Variants in UBE2E3 observed in about 807,000 individuals in gnomAD.
UBE2E3 encodes ubiquitin-conjugating enzyme E2 E3.
Under a neutral mutation model 23.6 loss-of-function variants are expected in UBE2E3, and 5 were observed. That is an observed-to-expected ratio of 0.21 (90% CI 0.11 to 0.44). UBE2E3 has a LOEUF of 0.44. Ranked by LOEUF, UBE2E3 falls within the 20% of genes least tolerant of loss-of-function variation. The pLI is 0.99. For synonymous variants in UBE2E3, 78 were observed against 87.5 expected, an observed-to-expected ratio of 0.89 and a Z score of 0.60; for missense variants, 81 against 249.8, an observed-to-expected ratio of 0.32 and a Z score of 4.55.
chr2:181,029,906 G>A (rs944107584), intron 3 of UBE2E3, among the ~76,000 whole-genome samples: 3 of 148,444 alleles, frequency 2.0e-5, no homozygotes, highest in Admixed American at 1.4e-4. Flanking sequence ...GTGCAGTCTC[G>A]GCTCATTGCA....
chr2:180,985,986 A>C (rs1036075079), intron 3 of UBE2E3, among the ~76,000 whole-genome samples: 1 of 152,252 alleles, frequency 6.6e-6, no homozygotes, highest in South Asian at 2.1e-4. Context: ...TAGAGGGAGT[A>C]GAATCTTTCA....
At chr2:180,987,333 C>A in intron 3 of UBE2E3, 1 of 1,549,684 alleles carries the variant, frequency 6.5e-7, no homozygotes. Context: ...CCATCTGTTT[C>A]CCAGAGGGTG....
chr2:180,984,915 A>T (rs1049627272), intron 3 of UBE2E3, among the ~76,000 whole-genome samples: 1 of 152,024 alleles, frequency 6.6e-6, no homozygotes, highest in African/African-American at 2.4e-5. Context: ...AATATTGTAG[A>T]TAGTTTGTGA....
chr2:181,053,253 A>G (rs1002132423), intron 3 of UBE2E3, among the ~76,000 whole-genome samples: 1 of 151,784 alleles, frequency 6.6e-6, no homozygotes, highest in African/African-American at 2.4e-5. Context: ...GTCTAACCAT[A>G]TATCATACTT....
At chr2:181,025,308 C>G (rs1685849205) in intron 3 of UBE2E3, among the ~76,000 whole-genome samples, 1 of 151,852 alleles carries the variant, frequency 6.6e-6, no homozygotes, top group Non-Finnish European at 1.5e-5. Context: ...GAGTGTCTTG[C>G]TTTCTAGAAA....
At chr2:181,012,687 C>A (rs1172363800) in intron 3 of UBE2E3, among the ~76,000 whole-genome samples, 1 of 152,134 alleles carries the variant, frequency 6.6e-6, no homozygotes, top group Non-Finnish European at 1.5e-5. Context: ...TCAAAATATA[C>A]ATATACCCAT....
chr2:181,062,290 A>G lies in UBE2E3; in HGVS notation c.527-501A>G, dbSNP rs146851408. 3.2e-3 allele frequency among the ~76,000 whole-genome samples: 484 copies of G among 151,786 alleles called. 5 individuals are homozygous for G. Among genetic ancestry groups the G allele is most frequent in the Middle Eastern group, 0.031 (9 of 294 alleles). On this transcript the variant is annotated intron_variant, in intron 5 of 5. Transcript: ENST00000410062. ...ATATCAGGTTCACTCTCTAGTTCAGAATTCTACTTAAAACAAAATGGCAAG... is the reference window on the plus strand; with the variant it reads ...ATATCAGGTTCACTCTCTAGTTCAGGATTCTACTTAAAACAAAATGGCAAG...
At chr2:180,988,745 AGCTTTGTTGGTT>A (rs1367662057) in intron 3 of UBE2E3, among the ~76,000 whole-genome samples, 1 of 152,148 alleles carries the variant, frequency 6.6e-6, no homozygotes, top group Non-Finnish European at 1.5e-5. Flanking sequence ...TCCCTATATT[AGCTTTGTTGGTT>A]GCTTATAGAG....
intron 3 of UBE2E3, among the ~76,000 whole-genome samples, chr2:181,023,481 TA>T (rs1337420941): frequency 6.6e-6 from 1 of 152,198 alleles, no homozygotes; most frequent in East Asian, 1.9e-4. Context: ...CATTTGATAA[TA>T]AGGAGTTTGC....
intron 3 of UBE2E3, among the ~76,000 whole-genome samples, chr2:181,026,192 T>A (rs893515725): frequency 6.6e-6 from 1 of 151,928 alleles, no homozygotes; most frequent in Non-Finnish European, 1.5e-5. Flanking sequence ...TTAAGTTAAA[T>A]TTTGAAAATA....
At chr2:181,001,056 C>T (rs552929739) in intron 3 of UBE2E3, among the ~76,000 whole-genome samples, 11 of 152,300 alleles carry the variant, frequency 7.2e-5, no homozygotes, top group African/African-American at 2.6e-4. Flanking sequence ...GACACACTGA[C>T]TCTTAAAGAG....
intron 3 of UBE2E3, among the ~76,000 whole-genome samples, chr2:180,988,302 A>T (rs1684544426): frequency 6.6e-6 from 1 of 152,270 alleles, no homozygotes; most frequent in East Asian, 1.9e-4. Flanking sequence ...TCACCAGATA[A>T]TTGAGTACAA....
intron 3 of UBE2E3, among the ~76,000 whole-genome samples, chr2:181,032,472 A>T (rs1302194692): frequency 6.6e-6 from 1 of 152,224 alleles, no homozygotes; most frequent in Non-Finnish European, 1.5e-5. Flanking sequence ...CGTGGATAAG[A>T]TAATGAAGTT....
rs1397844604 is a variant in UBE2E3 at position 181,015,807 on chromosome 2, G to A, written c.245+31714G>A. Among the ~76,000 whole-genome samples, 8 of 152,142 alleles carry A rather than the reference G, an allele frequency of 5.3e-5. No homozygotes were observed. In the East Asian group the frequency reaches 1.5e-3, roughly 29 times the overall value. ...GTATAATCACTAAAATGATTACATG[G>A]TCCTTGTTCCATATACTAGAGATGA... On this transcript the variant is annotated intron_variant, in intron 3 of 5. Transcript: ENST00000410062.
At chr2:180,984,852 T>G (rs1022961351) in intron 3 of UBE2E3, among the ~76,000 whole-genome samples, 2 of 152,086 alleles carry the variant, frequency 1.3e-5, no homozygotes, top group Non-Finnish European at 2.9e-5. Context: ...TGTATAGCGC[T>G]CTATTCTTTT....
At chr2:181,016,361 T>C (rs1041674263) in intron 3 of UBE2E3, among the ~76,000 whole-genome samples, 6 of 152,172 alleles carry the variant, frequency 3.9e-5, no homozygotes, top group Admixed American at 6.5e-5. Flanking sequence ...ATTACAGGCA[T>C]GAGCCACCAT....
chr2:181,057,769 GGT>G lies in UBE2E3; in HGVS notation c.327_328del (p.Phe111SerfsTer12). On this transcript the variant is annotated frameshift_variant, in exon 4 of 6. Transcript: ENST00000410062. LOFTEE classifies it high-confidence loss of function. ...LGPPGSVYEG[G>X]VFFLDITFSS... Reference sequence around the variant, plus strand: ...TCCACCGGGTTCTGTATATGAAGGTGGTGTGTTTTTTCTGGATATCACATTTT... The same window carrying G: ...TCCACCGGGTTCTGTATATGAAGGTGGTGTTTTTTCTGGATATCACATTTT... 1 of 1,611,502 alleles carries G rather than the reference GGT, an allele frequency of 6.2e-7. No homozygotes were observed. Among genetic ancestry groups the G allele is most frequent in the Non-Finnish European group, 8.5e-7 (1 of 1,178,498 alleles).
intron 3 of UBE2E3, among the ~76,000 whole-genome samples, chr2:181,037,042 A>G (rs1574207925): frequency 6.6e-6 from 1 of 152,204 alleles, no homozygotes; most frequent in Non-Finnish European, 1.5e-5. Flanking sequence ...TTGATGAACA[A>G]CAGTCCTCAT....
At chr2:181,000,395 A>G (rs1574168693) in intron 3 of UBE2E3, among the ~76,000 whole-genome samples, 1 of 152,234 alleles carries the variant, frequency 6.6e-6, no homozygotes, top group East Asian at 1.9e-4. Context: ...AGGCATATAT[A>G]TTACTGGTTG....
Sources: gnomAD v4.1 joint callset for allele counts (sites outside exome capture counted in the v4.1 genomes callset) on GRCh38, gnomAD v4.1.1 for gene constraint, MANE v1.5 for transcripts, NCBI Gene and HGNC (gene_info 2026-07-23, HGNC 2026-07-21) for gene names.